Variants in KIR3DL1 observed in about 807,000 individuals in gnomAD.
The protein encoded by KIR3DL1 is killer cell immunoglobulin like receptor, three Ig domains and long cytoplasmic tail 1, also known as killer cell immunoglobulin-like receptor 3DL1.
Under a neutral mutation model 40.3 loss-of-function variants are expected in KIR3DL1, and 50 were observed. The ratio of observed to expected loss-of-function variants is 1.24; its 90% CI spans 0.99 to 1.57. The LOEUF is 1.57. KIR3DL1 is among the 40% of genes most tolerant of loss of function. KIR3DL1 has a pLI of 0.00. For synonymous variants in KIR3DL1, 257 were observed against 207.2 expected, an observed-to-expected ratio of 1.24 and a Z score of -2.07; for missense variants, 661 against 559.9, an observed-to-expected ratio of 1.18 and a Z score of -1.82.
intron 6 of KIR3DL1, among the ~76,000 whole-genome samples, chr19:54,825,376 G>C (rs141399924): frequency 0.023 from 3,402 of 150,676 alleles, 296 homozygotes; most frequent in African/African-American, 0.078. Flanking sequence ...CTAACTGGAG[G>C]ATAAATTCCT....
intron 6 of KIR3DL1, among the ~76,000 whole-genome samples, chr19:54,825,512 G>C (rs368847444): frequency 0.13 from 19,525 of 148,442 alleles, 1,610 homozygotes; most frequent in Middle Eastern, 0.18. Context: ...AGCAGAGCAA[G>C]AGCCTTGCCG....
At chr19:54,821,924 T>C (rs1374756679) in intron 5 of KIR3DL1, 66 bp downstream of exon 5, 80 of 1,525,682 alleles carry the variant, frequency 5.2e-5, no homozygotes, top group Non-Finnish European at 6.9e-5. Flanking sequence ...AGCTTCCTGC[T>C]GATGATGGAG....
At chr19:54,829,611 A>C in intron 7 of KIR3DL1, 146 bp downstream of exon 7, 1 of 771,434 alleles carries the variant, frequency 1.3e-6, no homozygotes, top group Non-Finnish European at 2.0e-6. Flanking sequence ...AGAGAGCACC[A>C]GACTCCCTGC....
In KIR3DL1 at chr19:54,829,480, GC is replaced by G. The variant is rs1277123452; in HGVS notation, c.1105+16del. 7.0e-7 allele frequency: 1 copy of G among 1,434,594 alleles called. No individual in the cohort carries two copies. Among genetic ancestry groups the G allele is most frequent in the Admixed American group, 1.8e-5 (1 of 54,244 alleles). The allele number at this position is 1,434,594 out of a possible 1,614,324, so 88.9% of individuals were successfully genotyped here. ...CAACAAAAAAAGTAAGTCTCACGGG[GC>G]ACAGGCCAGAGAGCTCAGGGCCATG... is the stretch of plus-strand genomic sequence containing the variant. On this transcript the variant is annotated intron_variant, in intron 7 of 8. Transcript: ENST00000391728.
intron 6 of KIR3DL1, among the ~76,000 whole-genome samples, chr19:54,827,857 G>C (rs35970023): frequency 0.12 from 18,103 of 150,194 alleles, 1,562 homozygotes; most frequent in Non-Finnish European, 0.15. Context: ...AAAGTGCTCT[G>C]GTCATCACAA....
Position 54,820,035 on chromosome 19 carries a change from C to T in KIR3DL1, c.655+23C>T, listed in dbSNP as rs763203009. The stretch of plus-strand genomic sequence containing the variant: ...CAGGTGAGAGTGTCTAGACATTGTT[C>T]TCATTGTCACTGGGACACAGAGTGA... On this transcript the variant is annotated intron_variant, in intron 4 of 8. Coordinates refer to ENST00000391728, the Ensembl canonical transcript of KIR3DL1. 591 of 1,601,208 alleles carry T rather than the reference C, an allele frequency of 3.7e-4. 9 individuals carry two copies. Among genetic ancestry groups the T allele is most frequent in the Non-Finnish European group, 4.6e-4 (540 of 1,172,270 alleles).
intron 3 of KIR3DL1, among the ~76,000 whole-genome samples, chr19:54,819,043 G>A (rs1243553590): frequency 1.3e-5 from 2 of 151,132 alleles, no homozygotes; most frequent in Non-Finnish European, 2.9e-5. Flanking sequence ...GAATGCAGGT[G>A]GCCTCTAAGG....
In KIR3DL1 at chr19:54,817,421, G is replaced by GT. The variant is rs1470708498; in HGVS notation, c.35-110dup. 62 of 934,780 alleles carry GT rather than the reference G, an allele frequency of 6.6e-5. 1 individual carries two copies. The African/African-American group carries it at 9.9e-4, about 15-fold the overall frequency. The allele number at this position is 934,780 out of a possible 1,614,324, so 57.9% of individuals were successfully genotyped here. On this transcript the variant is annotated intron_variant, in intron 1 of 8. Transcript: ENST00000391728. ...GGGGGCAGGTAGGCAGCGAGGGTGA[G>GT]TTTACCTTCAGCCCAGCAAGGGCCT...
At chr19:54,826,453 T>C (rs2061894619) in intron 6 of KIR3DL1, among the ~76,000 whole-genome samples, 1 of 145,434 alleles carries the variant, frequency 6.9e-6, no homozygotes, top group South Asian at 2.2e-4. Flanking sequence ...TAGCTGGGAT[T>C]ACAGGCAACT....
exon 5 of KIR3DL1, chr19:54,821,684 G>C (rs1049215): frequency 0.11 from 176,661 of 1,609,128 alleles, 12,021 homozygotes; most frequent in Non-Finnish European, 0.13. Flanking sequence ...ATCCAGGGAG[G>C]GGGGAGCCCA....
In KIR3DL1 at chr19:54,828,955, A is replaced by G. The variant is rs545943945; in HGVS notation, c.1001-406A>G. Among the ~76,000 whole-genome samples the G allele has an allele frequency of 7.2e-3, 860 of 119,366 alleles. 15 individuals are homozygous for G. Among genetic ancestry groups the G allele is most frequent in the South Asian group, 0.013 (38 of 2,870 alleles). The allele number at this position is 119,366 out of a possible 152,430, so 78.3% of individuals were successfully genotyped here. A position where few individuals can be genotyped will look rare whatever the true frequency, so the allele number is the denominator to read the frequency against. On this transcript the variant is annotated intron_variant, in intron 6 of 8. Coordinates refer to ENST00000391728, the Ensembl canonical transcript of KIR3DL1. ...AGAGGGAGCAAGGGGGAGGGGGAGC[A>G]ATGGAGCTTCCAAGCTCTTTTTAAC...
At chr19:54,830,427 C>T (rs2062167197) in exon 9 of KIR3DL1, 5 of 970,084 alleles carry the variant, frequency 5.2e-6, no homozygotes, top group African/African-American at 3.2e-5. Context: ...AAATCTGGTG[C>T]CTCTCTCTTG....
exon 5 of KIR3DL1, chr19:54,821,695 T>C: frequency 1.2e-6 from 2 of 1,609,528 alleles, no homozygotes; most frequent in Non-Finnish European, 1.7e-6. Flanking sequence ...GGGGAGCCCA[T>C]GAACGTAGGC....
chr19:54,822,394 G>A (rs1461598157), intron 5 of KIR3DL1, among the ~76,000 whole-genome samples: 9 of 151,248 alleles, frequency 6.0e-5, no homozygotes, highest in Non-Finnish European at 1.2e-4. Context: ...AGAGGCCAAG[G>A]AAGGTGGATC....
At chr19:54,819,493 T>G (rs2061521922) in intron 3 of KIR3DL1, among the ~76,000 whole-genome samples, 1 of 150,956 alleles carries the variant, frequency 6.6e-6, no homozygotes, top group Non-Finnish European at 1.5e-5. Flanking sequence ...GTCTTCACAG[T>G]GGCAAGGGAG....
At chr19:54,830,431 T>C (rs2148220651) in exon 9 of KIR3DL1, 3 of 942,138 alleles carry the variant, frequency 3.2e-6, no homozygotes, top group Middle Eastern at 2.4e-4. Context: ...CTGGTGCCTC[T>C]CTCTTGCTTA....
intron 4 of KIR3DL1, among the ~76,000 whole-genome samples, chr19:54,821,299 C>G (rs1377068175): frequency 2.0e-5 from 3 of 150,736 alleles, no homozygotes. Context: ...AAAGGAAGAT[C>G]AAGTCAACCA....
chr19:54,828,889 A>G (rs1394899859), intron 6 of KIR3DL1, among the ~76,000 whole-genome samples: 1 of 141,238 alleles, frequency 7.1e-6, no homozygotes, highest in Non-Finnish European at 1.6e-5. Flanking sequence ...GAAGGGAAGG[A>G]GGGTCTGTCT....
intron 6 of KIR3DL1, among the ~76,000 whole-genome samples, chr19:54,825,539 T>G (rs1236953339): frequency 1.3e-5 from 2 of 149,890 alleles, no homozygotes; most frequent in Non-Finnish European, 3.0e-5. Flanking sequence ...AGAACAGAGC[T>G]CATGCACGCA....
Sources: gnomAD v4.1 joint callset for allele counts (sites outside exome capture counted in the v4.1 genomes callset) on GRCh38, gnomAD v4.1.1 for gene constraint, MANE v1.5 for transcripts, NCBI Gene and HGNC (gene_info 2026-07-23, HGNC 2026-07-21) for gene names.